The following VWA8 variants were observed in gnomAD, a reference collection of about 807,000 sequenced individuals.
VWA8 encodes von Willebrand factor A domain containing 8.
A neutral mutation model predicts 241.5 loss-of-function variants in VWA8; 221 were observed. The ratio of observed to expected loss-of-function variants is 0.91; its 90% CI spans 0.82 to 1.02. VWA8 has a LOEUF of 1.02. Ranked by LOEUF, VWA8 falls within the 50% of genes least tolerant of loss-of-function variation. VWA8 has a pLI of 0.00. For missense variants in VWA8, 2,322 were observed against 2,328.7 expected (o/e 1.00, Z 0.06); for synonymous variants, 852 against 827.1 (o/e 1.03, Z -0.52).
chr13:41,853,491 T>A (rs1872607088), intron 12 of VWA8, among the ~76,000 whole-genome samples: 1 of 152,196 alleles, frequency 6.6e-6, no homozygotes, highest in Non-Finnish European at 1.5e-5. Context: ...ATTCACAGGT[T>A]AAGCCATCAC....
At chr13:41,958,600 G>C (rs1878451082) in intron 1 of VWA8, among the ~76,000 whole-genome samples, 1 of 152,098 alleles carries the variant, frequency 6.6e-6, no homozygotes. Flanking sequence ...GATTCAAAAT[G>C]GGACACTTCC....
intron 8 of VWA8, among the ~76,000 whole-genome samples, chr13:41,883,892 G>A (rs1018880440): frequency 1.3e-5 from 2 of 152,144 alleles, no homozygotes; most frequent in African/African-American, 2.4e-5. Context: ...TTATTCCTAA[G>A]TTAATCTCAT....
rs780634410 is a variant in VWA8 at position 41,611,676 on chromosome 13, C to T, written c.4777G>A (p.Gly1593Ser). 4 of 1,614,112 alleles carry T rather than the reference C, an allele frequency of 2.5e-6. No homozygotes were observed. Among genetic ancestry groups the T allele is most frequent in the Non-Finnish European group, 2.5e-6 (3 of 1,179,996 alleles). ...TGAGAGACCTGGTACACCGTATGGC[C>T]TGCATCCAGCCGGTAAGGGCCTCCT... ...GKGGPYRLDA[G>S]HTVYQVSQAE... is the part of the protein sequence containing the mutation. Residue 1593 changes from glycine (G) to serine (S), a missense_variant, in exon 39 of 45, where the codon GGC (glycine) becomes AGC (serine). By Grantham distance (56) the Gly-to-Ser change is moderately conservative. Transcript: ENST00000379310.
chr13:41,794,710 C>A (rs1869611975), intron 17 of VWA8, among the ~76,000 whole-genome samples: 1 of 152,136 alleles, frequency 6.6e-6, no homozygotes, highest in Non-Finnish European at 1.5e-5. Context: ...TTGTCTTGTG[C>A]CAGTTTTCAA....
At chr13:41,609,020 T>C (rs1042012369) in intron 39 of VWA8, among the ~76,000 whole-genome samples, 2 of 152,192 alleles carry the variant, frequency 1.3e-5, no homozygotes, top group African/African-American at 2.4e-5. Flanking sequence ...AATTAAGTAC[T>C]AAAGGATGAT....
At chr13:41,890,978 T>C (rs774836852) in intron 5 of VWA8, among the ~76,000 whole-genome samples, 2 of 152,172 alleles carry the variant, frequency 1.3e-5, no homozygotes, top group Non-Finnish European at 2.9e-5. Flanking sequence ...ATTTTATTCA[T>C]TTCTGTCAAT....
intron 36 of VWA8, among the ~76,000 whole-genome samples, chr13:41,674,166 A>AT (rs568168824): frequency 6.6e-6 from 1 of 152,080 alleles, no homozygotes; most frequent in Non-Finnish European, 1.5e-5. Context: ...TTGTTTTCAT[A>AT]TTTTTTTAAT....
Position 41,850,668 on chromosome 13 carries a change from T to C in VWA8, c.1425+15068A>G, listed in dbSNP as rs536347949. 2.0e-5 allele frequency among the ~76,000 whole-genome samples: 3 copies of C among 152,184 alleles called. No individual in the cohort carries two copies. In the South Asian group the frequency reaches 6.2e-4, roughly 32 times the overall value. ...AAGCCAAATGAAAGACCCCACCAGA[T>C]GGTCTGCCCAGAATGTCTGGCTGGG... On this transcript the variant is annotated intron_variant, in intron 12 of 44. Transcript: ENST00000379310.
At chr13:41,772,737 A>C (rs1235288112) in intron 20 of VWA8, among the ~76,000 whole-genome samples, 1 of 152,214 alleles carries the variant, frequency 6.6e-6, no homozygotes, top group African/African-American at 2.4e-5. Flanking sequence ...ATTATAAATA[A>C]GGGGCAGGCT....
At chr13:41,722,811 A>G (rs1360082419) in intron 24 of VWA8, among the ~76,000 whole-genome samples, 2 of 152,134 alleles carry the variant, frequency 1.3e-5, no homozygotes, top group Non-Finnish European at 2.9e-5. Context: ...AGGCAGGCAT[A>G]CCTGGCATAT....
chr13:41,937,854 C>G lies in VWA8; in HGVS notation c.241+12082G>C, dbSNP rs1264670965. On this transcript the variant is annotated intron_variant, in intron 2 of 44. Coordinates refer to ENST00000379310, the MANE Select transcript of VWA8 (RefSeq NM_015058.2). ...GCAGAAAGCAACAAGAGGAATTAAGCAGAAAATAAAAAGTAATAAAATGCA... is the reference window on the plus strand; with the variant it reads ...GCAGAAAGCAACAAGAGGAATTAAGGAGAAAATAAAAAGTAATAAAATGCA... Among the ~76,000 whole-genome samples, 12 of 151,954 alleles carry G rather than the reference C, an allele frequency of 7.9e-5. 1 individual carries two copies. The highest frequency in any genetic ancestry group is 7.9e-4 in the Admixed American group (12 of 15,240).
At chr13:41,780,226 T>C (rs1868827966) in intron 19 of VWA8, among the ~76,000 whole-genome samples, 2 of 152,142 alleles carry the variant, frequency 1.3e-5, no homozygotes, top group African/African-American at 4.8e-5. Flanking sequence ...CTTCTGACCC[T>C]GCTCTCCTTA....
At chr13:41,872,672 G>A (rs1873690777) in intron 9 of VWA8, among the ~76,000 whole-genome samples, 1 of 152,074 alleles carries the variant, frequency 6.6e-6, no homozygotes, top group South Asian at 2.1e-4. Flanking sequence ...CTATATCTCT[G>A]TTTTGGTACC....
At chr13:41,788,057 G>A (rs1263241162) in intron 17 of VWA8, among the ~76,000 whole-genome samples, 1 of 152,090 alleles carries the variant, frequency 6.6e-6, no homozygotes, top group South Asian at 2.1e-4. Flanking sequence ...CTATGTGTAT[G>A]TTGTCAAAAC....
chr13:41,606,044 T>C (rs1488707527), intron 39 of VWA8, among the ~76,000 whole-genome samples: 1 of 152,110 alleles, frequency 6.6e-6, no homozygotes, highest in Non-Finnish European at 1.5e-5. Context: ...CTTTGCCTAA[T>C]AACTCCCACT....
chr13:41,947,447 C>T (rs1235076976), intron 2 of VWA8, among the ~76,000 whole-genome samples: 2 of 152,154 alleles, frequency 1.3e-5, no homozygotes, highest in Non-Finnish European at 2.9e-5. Context: ...AAAGAAGTGA[C>T]ATGATTTTGG....
intron 2 of VWA8, among the ~76,000 whole-genome samples, chr13:41,929,520 A>T (rs1877008770): frequency 6.6e-6 from 1 of 152,184 alleles, no homozygotes; most frequent in South Asian, 2.1e-4. Context: ...ACTAGTATGT[A>T]TCAGTTTTTA....
At chr13:41,872,640 G>A (rs1332347040) in intron 9 of VWA8, among the ~76,000 whole-genome samples, 2 of 152,038 alleles carry the variant, frequency 1.3e-5, no homozygotes, top group Admixed American at 6.6e-5. Flanking sequence ...TATTTCTGAG[G>A]GCTCTGTTCT....
intron 14 of VWA8, among the ~76,000 whole-genome samples, chr13:41,830,306 GTTTT>G (rs558032123): frequency 3.5e-5 from 5 of 142,638 alleles, no homozygotes; most frequent in African/African-American, 1.1e-4. Flanking sequence ...AGTTGATTAG[GTTTT>G]TTTTTTTAAA....
Sources: gnomAD v4.1 joint callset for allele counts (sites outside exome capture counted in the v4.1 genomes callset) on GRCh38, gnomAD v4.1.1 for gene constraint, MANE v1.5 for transcripts, NCBI Gene and HGNC (gene_info 2026-07-23, HGNC 2026-07-21) for gene names.